Variants in PTPRM observed in about 807,000 individuals in gnomAD.
The protein encoded by PTPRM is protein tyrosine phosphatase receptor type M, also known as receptor-type tyrosine-protein phosphatase mu.
A neutral mutation model predicts 186.7 loss-of-function variants in PTPRM; 47 were observed. The observed-to-expected ratio is 0.25, with a 90% CI of 0.20 to 0.32. PTPRM has a LOEUF of 0.32. Among genes scored for constraint, PTPRM ranks in the 10% least tolerant of loss-of-function variants. The probability of loss-of-function intolerance (pLI) is 1.00; values close to 1 mark genes in which losing one functional copy is unlikely to be tolerated. For missense variants in PTPRM, 1,494 were observed against 1,865.0 expected (o/e 0.80, Z 3.66); for synonymous variants, 668 against 674.9 (o/e 0.99, Z 0.16).
At chr18:7,585,165 G>T (rs557562824) in intron 1 of PTPRM, among the ~76,000 whole-genome samples, 4 of 152,232 alleles carry the variant, frequency 2.6e-5, no homozygotes, top group Admixed American at 6.5e-5. Context: ...TTAGACAATA[G>T]ACACGGGAGC....
intron 9 of PTPRM, 41 bp from the exon 10 acceptor site, chr18:8,085,630 A>G: frequency 6.6e-7 from 1 of 1,509,070 alleles, no homozygotes; most frequent in Non-Finnish European, 9.2e-7. Context: ...ATCTGAGTCC[A>G]TCTGCTCCAG....
At chr18:7,962,037 C>T (rs1206306024) in intron 7 of PTPRM, among the ~76,000 whole-genome samples, 1 of 152,138 alleles carries the variant, frequency 6.6e-6, no homozygotes, top group Non-Finnish European at 1.5e-5. Flanking sequence ...CTGGACATAC[C>T]TTGCCACTAT....
chr18:8,353,003 G>C (rs1020341770), intron 23 of PTPRM, among the ~76,000 whole-genome samples: 1 of 152,134 alleles, frequency 6.6e-6, no homozygotes, highest in African/African-American at 2.4e-5. Context: ...TAGAAAATGT[G>C]TATATACCAC....
At chr18:7,778,159 T>C (rs1172092369) in intron 2 of PTPRM, among the ~76,000 whole-genome samples, 1 of 152,236 alleles carries the variant, frequency 6.6e-6, no homozygotes, top group African/African-American at 2.4e-5. Flanking sequence ...TTAACCACAT[T>C]TTAAAAAATT....
chr18:7,605,419 T>G (rs982023460), intron 1 of PTPRM, among the ~76,000 whole-genome samples: 1 of 149,660 alleles, frequency 6.7e-6, no homozygotes, highest in South Asian at 2.1e-4. Context: ...AGCAAAAATG[T>G]CCCCCCCCCA....
intron 2 of PTPRM, among the ~76,000 whole-genome samples, chr18:7,783,738 AT>A (rs1274590259): frequency 3.0e-5 from 4 of 133,740 alleles, no homozygotes; most frequent in African/African-American, 9.0e-5. Context: ...TGCCTGGCTA[AT>A]TTTTAATTTT....
chr18:8,296,103 A>G (rs992021047), intron 19 of PTPRM, among the ~76,000 whole-genome samples: 23 of 152,172 alleles, frequency 1.5e-4, no homozygotes, highest in African/African-American at 5.5e-4. Flanking sequence ...GACCATTTTT[A>G]CTCGGTTATA....
chr18:7,616,522 C>A (rs1344448866), intron 1 of PTPRM, among the ~76,000 whole-genome samples: 1 of 152,158 alleles, frequency 6.6e-6, no homozygotes, highest in Non-Finnish European at 1.5e-5. Flanking sequence ...GGATCACTCA[C>A]CCCTTTCTCT....
chr18:7,755,097 A>C (rs151039080), intron 1 of PTPRM: 1 of 152,316 alleles, frequency 6.6e-6, no homozygotes, highest in East Asian at 1.9e-4. Context: ...ACCAGGGTAC[A>C]CTTTGTAATA....
chr18:8,349,295 A>G (rs2095521692), intron 23 of PTPRM, among the ~76,000 whole-genome samples: 1 of 152,268 alleles, frequency 6.6e-6, no homozygotes, highest in African/African-American at 2.4e-5. Flanking sequence ...AATCGTTTTT[A>G]CTACAAAATC....
intron 1 of PTPRM, among the ~76,000 whole-genome samples, chr18:7,723,779 G>A (rs963074296): frequency 1.3e-5 from 2 of 152,106 alleles, no homozygotes; most frequent in African/African-American, 4.8e-5. Context: ...TGTCCCCTGG[G>A]GGCGCGGGCT....
intron 2 of PTPRM, among the ~76,000 whole-genome samples, chr18:7,877,194 A>G (rs911336085): frequency 3.3e-5 from 5 of 152,146 alleles, no homozygotes; most frequent in African/African-American, 1.2e-4. Flanking sequence ...AATTAAATAT[A>G]TGTATTTATA....
At chr18:8,207,655 G>A (rs1053371718) in intron 14 of PTPRM, among the ~76,000 whole-genome samples, 3 of 152,202 alleles carry the variant, frequency 2.0e-5, no homozygotes, top group Non-Finnish European at 4.4e-5. Flanking sequence ...TCTGAATAGT[G>A]AAATAATGAT....
rs537511206 is a variant in PTPRM at position 8,045,232 on chromosome 18, C to CA, written c.1133-24453dup. Reference sequence around the variant, plus strand: ...ACGTGATGGCATGTACGTCTGGTCCCAGCTACTCAAAAGGCCAAGGTGGGA... The same window carrying CA: ...ACGTGATGGCATGTACGTCTGGTCCCAAGCTACTCAAAAGGCCAAGGTGGGA... On this transcript the variant is annotated intron_variant, in intron 7 of 32. Transcript: ENST00000580170. Among the ~76,000 whole-genome samples, 11 of 152,232 alleles carry CA rather than the reference C, an allele frequency of 7.2e-5. No homozygotes were observed. The East Asian group carries it at 2.1e-3, about 29-fold the overall frequency.
chr18:8,033,189 AATACT>A (rs1460039696), intron 7 of PTPRM, among the ~76,000 whole-genome samples: 5 of 152,212 alleles, frequency 3.3e-5, no homozygotes, highest in African/African-American at 9.6e-5. Flanking sequence ...TTAAAAAATG[AATACT>A]ATAATATAAA....
intron 14 of PTPRM, among the ~76,000 whole-genome samples, chr18:8,158,841 AC>A (rs2146318172): frequency 6.6e-6 from 1 of 152,222 alleles, no homozygotes; most frequent in Non-Finnish European, 1.5e-5. Context: ...CTTTGAAACA[AC>A]CAAATTTCAT....
At chr18:8,191,985 A>T (rs1033766018) in intron 14 of PTPRM, among the ~76,000 whole-genome samples, 6 of 152,058 alleles carry the variant, frequency 3.9e-5, no homozygotes, top group African/African-American at 1.4e-4. Flanking sequence ...TAGTCTAAGG[A>T]CAAAAAACTG....
At chr18:7,613,606 G>C (rs1567983812) in intron 1 of PTPRM, among the ~76,000 whole-genome samples, 1 of 152,060 alleles carries the variant, frequency 6.6e-6, no homozygotes, top group Non-Finnish European at 1.5e-5. Flanking sequence ...CCAGGAGGTG[G>C]AGGTTGCAGT....
At chr18:7,911,411 TA>T (rs2050257114) in intron 4 of PTPRM, among the ~76,000 whole-genome samples, 2 of 152,220 alleles carry the variant, frequency 1.3e-5, no homozygotes, top group South Asian at 2.1e-4. Flanking sequence ...TTTATGTCTT[TA>T]AAAAAATCAT....
Sources: gnomAD v4.1 joint callset for allele counts (sites outside exome capture counted in the v4.1 genomes callset) on GRCh38, gnomAD v4.1.1 for gene constraint, MANE v1.5 for transcripts, NCBI Gene and HGNC (gene_info 2026-07-23, HGNC 2026-07-21) for gene names.